The following ATRNL1 variants were observed in gnomAD, a reference collection of about 807,000 sequenced individuals.
The protein encoded by ATRNL1 is attractin like 1.
In ATRNL1, 95 loss-of-function variants were observed where a neutral mutation model predicts 182.7. The ratio of observed to expected loss-of-function variants is 0.52; its 90% CI spans 0.44 to 0.62. The LOEUF is 0.62. Among genes scored for constraint, ATRNL1 ranks in the 20% least tolerant of loss-of-function variants. The pLI, the probability that ATRNL1 is intolerant of heterozygous loss-of-function variation, is 0.00. For synonymous variants in ATRNL1, 576 were observed against 568.3 expected (o/e 1.01, Z -0.19); for missense variants, 1,471 against 1,679.5 (o/e 0.88, Z 2.17).
At chr10:115,430,042 GC>G (rs1279759281) in intron 21 of ATRNL1, among the ~76,000 whole-genome samples, 1 of 152,296 alleles carries the variant, frequency 6.6e-6, no homozygotes, top group Middle Eastern at 3.4e-3. Context: ...CTGCACTCCA[GC>G]CTGGGTGGCA....
chr10:115,786,988 A>G (rs1949412577), intron 27 of ATRNL1, among the ~76,000 whole-genome samples: 1 of 152,174 alleles, frequency 6.6e-6, no homozygotes, highest in Non-Finnish European at 1.5e-5. Context: ...CCTGCTACTA[A>G]CTGTGGTTAA....
At chr10:115,808,249 G>A (rs12777802) in intron 27 of ATRNL1, among the ~76,000 whole-genome samples, 73,537 of 151,988 alleles carry the variant, frequency 0.48, 18,978 homozygotes, top group East Asian at 0.75. Context: ...CAAATTTATC[G>A]TGTTTTCATG....
intron 28 of ATRNL1, among the ~76,000 whole-genome samples, chr10:115,895,521 C>T (rs1555112305): frequency 1.3e-5 from 2 of 152,340 alleles, no homozygotes. Flanking sequence ...ATCTGACAAA[C>T]CCTCAGTGAA....
intron 9 of ATRNL1, among the ~76,000 whole-genome samples, chr10:115,220,733 G>GT (rs1189042574): frequency 2.1e-5 from 2 of 94,294 alleles, no homozygotes; most frequent in African/African-American, 3.8e-5. Context: ...ATGGGGGGGG[G>GT]GGGGCGGGGT....
In ATRNL1 at chr10:115,300,015, C is replaced by T. The variant is rs1853395878; in HGVS notation, c.2416-19C>T. 2.5e-6 allele frequency: 4 copies of T among 1,575,962 alleles called. No homozygotes were observed. Among genetic ancestry groups the T allele is most frequent in the South Asian group, 2.3e-5 (2 of 88,874 alleles). On this transcript the variant is annotated intron_variant, in intron 15 of 28. Transcript: ENST00000355044. ...TACATCTAACTTTCTTTGAATGCCCCTTTTCCTGTTGTTTACAGAAAGTAT... is the reference window on the plus strand; with the variant it reads ...TACATCTAACTTTCTTTGAATGCCCTTTTTCCTGTTGTTTACAGAAAGTAT...
At chr10:115,377,225 T>G (rs1329692757) in intron 19 of ATRNL1, among the ~76,000 whole-genome samples, 3 of 152,150 alleles carry the variant, frequency 2.0e-5, no homozygotes, top group Non-Finnish European at 4.4e-5. Flanking sequence ...CAGTGGGAGA[T>G]AACTGAATCA....
rs575871399 is a variant in ATRNL1 at position 115,242,031 on chromosome 10, TATTA to T, written c.1687+310_1687+313del. 1.2e-3 allele frequency among the ~76,000 whole-genome samples: 183 copies of T among 152,166 alleles called. 1 individual carries two copies. In the Middle Eastern group the frequency reaches 0.014, roughly 11 times the overall value. The stretch of plus-strand genomic sequence containing the variant: ...ATATCAGTTTATTGTGTTTGCTACA[TATTA>T]ATTTTGATAATGGGTAGATATGGAA... On this transcript the variant is annotated intron_variant, in intron 10 of 28. Transcript: ENST00000355044.
At chr10:115,293,464 C>T (rs1016654625) in intron 15 of ATRNL1, among the ~76,000 whole-genome samples, 25 of 151,950 alleles carry the variant, frequency 1.6e-4, no homozygotes, top group African/African-American at 5.6e-4. Context: ...CTTTCTTCCT[C>T]TCTTATTATT....
At chr10:115,131,386 G>A (rs1173260249) in intron 5 of ATRNL1, among the ~76,000 whole-genome samples, 1 of 152,074 alleles carries the variant, frequency 6.6e-6, no homozygotes, top group African/African-American at 2.4e-5. Context: ...GAATTGATAT[G>A]TTTGAAGGAG....
At chr10:115,097,958 A>C (rs1299524792) in intron 1 of ATRNL1, among the ~76,000 whole-genome samples, 7 of 152,142 alleles carry the variant, frequency 4.6e-5, no homozygotes, top group Non-Finnish European at 8.8e-5. Flanking sequence ...ACAACAAAAA[A>C]CAAATATATA....
chr10:115,442,075 G>C (rs1192182245), intron 21 of ATRNL1, among the ~76,000 whole-genome samples: 3 of 151,664 alleles, frequency 2.0e-5, no homozygotes, highest in Non-Finnish European at 4.4e-5. Flanking sequence ...TTCTCCAATC[G>C]GCCACCAGGG....
chr10:115,101,216 C>A lies in ATRNL1; in HGVS notation c.293+7173C>A, dbSNP rs368213611. On this transcript the variant is annotated intron_variant, in intron 1 of 28. Coordinates refer to ENST00000355044, the MANE Select transcript of ATRNL1 (RefSeq NM_207303.4). ...ATCTAGATGCCTTTTTTTTTCTTGC[C>A]TTATTTCACTGGCCAGAACCTCTAT... is the stretch of plus-strand genomic sequence containing the variant. Among the ~76,000 whole-genome samples the A allele has an allele frequency of 9.5e-4, 143 of 150,964 alleles. 2 individuals carry two copies. The highest frequency in any genetic ancestry group is 3.4e-3 in the Middle Eastern group (1 of 290).
chr10:115,799,465 G>T (rs1949740131), intron 27 of ATRNL1, among the ~76,000 whole-genome samples: 1 of 152,272 alleles, frequency 6.6e-6, no homozygotes, highest in African/African-American at 2.4e-5. Context: ...ACAGAGAGGT[G>T]GGGGTTAGTT....
chr10:115,704,091 A>C (rs1565302763), intron 26 of ATRNL1, among the ~76,000 whole-genome samples: 1 of 152,010 alleles, frequency 6.6e-6, no homozygotes, highest in African/African-American at 2.4e-5. Flanking sequence ...AAACTTGAAA[A>C]AGTATAGGAG....
chr10:115,239,068 T>G (rs1029604517), intron 9 of ATRNL1, among the ~76,000 whole-genome samples: 3 of 152,190 alleles, frequency 2.0e-5, no homozygotes, highest in Non-Finnish European at 4.4e-5. Flanking sequence ...ATACTTGGAA[T>G]AAGTTCCACC....
chr10:115,530,426 G>A (rs1035366985), intron 25 of ATRNL1, among the ~76,000 whole-genome samples: 20 of 152,022 alleles, frequency 1.3e-4, no homozygotes, highest in Non-Finnish European at 2.6e-4. Flanking sequence ...TGGGCATAAA[G>A]TGGTAAGAGA....
intron 26 of ATRNL1, among the ~76,000 whole-genome samples, chr10:115,689,494 T>C (rs573567104): frequency 6.6e-6 from 1 of 152,316 alleles, no homozygotes; most frequent in Admixed American, 6.5e-5. Context: ...GAAATTTTCC[T>C]CTAAGAACTG....
At chr10:115,545,234 CAA>C (rs71010026) in intron 25 of ATRNL1, among the ~76,000 whole-genome samples, 8,549 of 94,632 alleles carry the variant, frequency 0.09, 659 homozygotes, top group African/African-American at 0.33. Flanking sequence ...GACTCCGTAT[CAA>C]AAAAAAAAAA....
chr10:115,535,146 T>C (rs111377687), intron 25 of ATRNL1, among the ~76,000 whole-genome samples: 62,641 of 144,012 alleles, frequency 0.43, 13,323 homozygotes, highest in Middle Eastern at 0.54. Context: ...TGAATCTGAA[T>C]GTTGGCCTGC....
Sources: allele counts gnomAD v4.1 joint callset (sites outside exome capture counted in the v4.1 genomes callset), GRCh38; gene constraint gnomAD v4.1.1; transcripts MANE v1.5; gene names NCBI Gene and HGNC (gene_info 2026-07-23, HGNC 2026-07-21).